Variants in G2E3 observed in about 807,000 individuals in gnomAD.
The protein encoded by G2E3 is G2/M phase-specific E3 ubiquitin-protein ligase.
G2E3 carries 35 observed loss-of-function variants against 92.8 expected under a neutral mutation model. The ratio of observed to expected loss-of-function variants is 0.38; its 90% CI spans 0.29 to 0.50. The LOEUF is 0.50. Ranked by LOEUF, G2E3 falls within the 20% of genes least tolerant of loss-of-function variation. The probability of loss-of-function intolerance (pLI) is 0.94; values close to 1 mark genes in which losing one functional copy is unlikely to be tolerated. For missense variants in G2E3, 554 were observed against 823.8 expected, an observed-to-expected ratio of 0.67 and a Z score of 4.01; for synonymous variants, 242 against 272.4, an observed-to-expected ratio of 0.89 and a Z score of 1.10.
At chr14:30,614,842 G>T (rs1882241994) in intron 13 of G2E3, among the ~76,000 whole-genome samples, 1 of 152,124 alleles carries the variant, frequency 6.6e-6, no homozygotes, top group African/African-American at 2.4e-5. Context: ...TGATCTTTCA[G>T]AAGAATTTGT....
intron 6 of G2E3, among the ~76,000 whole-genome samples, chr14:30,595,236 A>C (rs190514852): frequency 2.8e-4 from 43 of 152,368 alleles, no homozygotes; most frequent in Middle Eastern, 3.4e-3. Context: ...TAGAGAGTGC[A>C]GTTAATAAAC....
intron 1 of G2E3, among the ~76,000 whole-genome samples, chr14:30,578,349 T>A (rs948581988): frequency 2.6e-5 from 4 of 152,208 alleles, no homozygotes. Flanking sequence ...TTATCTAGAT[T>A]CACTAAATGT....
intron 1 of G2E3, among the ~76,000 whole-genome samples, chr14:30,563,006 G>C (rs1879204565): frequency 6.6e-6 from 1 of 152,076 alleles, no homozygotes; most frequent in East Asian, 1.9e-4. Context: ...GCCACTACCA[G>C]TCTCCGTGTC....
At chr14:30,586,957 G>A in intron 3 of G2E3, 142 bp downstream of exon 3, 1 of 401,284 alleles carries the variant, frequency 2.5e-6, no homozygotes, top group Non-Finnish European at 4.5e-6. Context: ...TAGACATTTT[G>A]TTTTTTGATA....
chr14:30,571,687 A>C (rs1453422814), intron 1 of G2E3, among the ~76,000 whole-genome samples: 3 of 152,066 alleles, frequency 2.0e-5, no homozygotes, highest in African/African-American at 4.8e-5. Context: ...ATTTGAATAC[A>C]GTGAATTACC....
At chr14:30,580,281 A>G (rs1345772618) in intron 1 of G2E3, among the ~76,000 whole-genome samples, 17 of 152,156 alleles carry the variant, frequency 1.1e-4, no homozygotes, top group Admixed American at 1.1e-3. Context: ...ATCTTGGCTC[A>G]CTGCAACCTC....
intron 10 of G2E3, among the ~76,000 whole-genome samples, chr14:30,603,615 G>A (rs1881685378): frequency 3.3e-5 from 5 of 152,200 alleles, no homozygotes; most frequent in Admixed American, 3.3e-4. Flanking sequence ...GCTAAGGTGG[G>A]AGGATCATTT....
chr14:30,580,037 G>T, intron 1 of G2E3, among the ~76,000 whole-genome samples: 1 of 152,124 alleles, frequency 6.6e-6, no homozygotes, highest in African/African-American at 2.4e-5. Flanking sequence ...TTAACTAGTG[G>T]AGAGTGAGGA....
At chr14:30,579,342 T>A (rs185167908) in intron 1 of G2E3, among the ~76,000 whole-genome samples, 310 of 152,322 alleles carry the variant, frequency 2.0e-3, no homozygotes, top group Non-Finnish European at 2.9e-3. Context: ...TGGCATAGAA[T>A]ATTATTTTGT....
Position 30,606,645 on chromosome 14 carries a change from A to C in G2E3, c.1318+833A>C, listed in dbSNP as rs575605717. Among the ~76,000 whole-genome samples, 374 of 152,248 alleles carry C rather than the reference A, an allele frequency of 2.5e-3. 3 individuals are homozygous for C. Among genetic ancestry groups the C allele is most frequent in the African/African-American group, 8.4e-3 (349 of 41,580 alleles). ...TCTGAATTCAAGTTTGTACACATCT[A>C]GTTCTTTACATCCTTAATTACTTAC... On this transcript the variant is annotated intron_variant, in intron 11 of 14. Coordinates refer to ENST00000206595, the MANE Select transcript of G2E3 (RefSeq NM_017769.5).
intron 1 of G2E3, chr14:30,573,745 A>G (rs1253859766): frequency 6.6e-6 from 1 of 152,118 alleles, no homozygotes; most frequent in East Asian, 1.9e-4. Flanking sequence ...TCAGTGGACT[A>G]GCTAATGTCT....
At chr14:30,575,834 G>C (rs900482712) in intron 1 of G2E3, among the ~76,000 whole-genome samples, 2 of 152,118 alleles carry the variant, frequency 1.3e-5, no homozygotes, top group Non-Finnish European at 2.9e-5. Context: ...TCTCTACAAT[G>C]AGAATTACAA....
rs1427573466 is a variant in G2E3 at position 30,618,604 on chromosome 14, G to T, written c.*2070G>T. ...CCTCATTTGACTTATTTTATATATA[G>T]ACAGGGCCTTAGTGATAAGATGGTG... On this transcript the variant is annotated 3_prime_UTR_variant, in exon 15 of 15. Coordinates refer to ENST00000206595, the MANE Select transcript of G2E3 (RefSeq NM_017769.5). The T allele has an allele frequency of 6.6e-6, 1 of 152,076 alleles. No homozygotes were observed. The highest frequency in any genetic ancestry group is 2.1e-4 in the South Asian group (1 of 4,826). The allele number at this position is 152,076 out of a possible 1,614,324, so 9.4% of individuals were successfully genotyped here.
chr14:30,605,809 C>G lies in G2E3; in HGVS notation c.1315C>G (p.Gln439Glu), dbSNP rs746301009. Residue 439 changes from glutamine to glutamate, a missense_variant, in exon 11 of 15, where the codon CAA (glutamine) becomes GAA (glutamate). Around this residue, in one of 3 missense-constraint regions of G2E3, gnomAD observed 397 missense variants for 560.3 expected, o/e 0.71. Coordinates refer to ENST00000206595, the MANE Select transcript of G2E3 (RefSeq NM_017769.5). Reference protein sequence around the residue: ...SLSKNLSLNSQALKENLYYEA... With the variant: ...SLSKNLSLNSEALKENLYYEA... ...GTCAAAGAACTTGTCTCTAAATTCT[C>G]AAGGTAATTATTTTATTTATTGTTG... 4.0e-6 allele frequency: 6 copies of G among 1,500,046 alleles called. No individual in the cohort carries two copies. The African/African-American group carries it at 4.2e-5, about 11-fold the overall frequency. 92.9% of individuals were successfully genotyped at this position (1,500,046 alleles called of 1,614,324 possible). A position where few individuals can be genotyped will look rare whatever the true frequency, so the allele number is the denominator to read the frequency against.
intron 1 of G2E3, among the ~76,000 whole-genome samples, chr14:30,570,807 C>T (rs887392668): frequency 6.6e-6 from 1 of 152,056 alleles, no homozygotes; most frequent in Non-Finnish European, 1.5e-5. Flanking sequence ...CTTGCTCCAC[C>T]ATTTTCGTGG....
chr14:30,581,038 T>C (rs1286419750), intron 1 of G2E3, 38 bp from the exon 2 acceptor site: 1 of 1,114,948 alleles, frequency 9.0e-7, no homozygotes, highest in Non-Finnish European at 1.4e-6. Flanking sequence ...TTGAGACTTT[T>C]ACAATTAAGA....
At chr14:30,603,712 G>A (rs916956845) in intron 10 of G2E3, among the ~76,000 whole-genome samples, 2 of 152,112 alleles carry the variant, frequency 1.3e-5, no homozygotes, top group Non-Finnish European at 2.9e-5. Flanking sequence ...AGGTATGGTG[G>A]TGTGCACCTG....
chr14:30,614,269 G>A (rs1002331643), intron 13 of G2E3, among the ~76,000 whole-genome samples: 4 of 152,086 alleles, frequency 2.6e-5, no homozygotes, highest in Non-Finnish European at 5.9e-5. Context: ...ATTTTATGCT[G>A]CTATAACAAT....
chr14:30,595,380 GTA>G (rs1402078927), intron 6 of G2E3, among the ~76,000 whole-genome samples: 1 of 152,102 alleles, frequency 6.6e-6, no homozygotes, highest in African/African-American at 2.4e-5. Context: ...TTTTGTAGCA[GTA>G]TGTTATTTTT....
Sources: allele counts gnomAD v4.1 joint callset (sites outside exome capture counted in the v4.1 genomes callset), GRCh38; gene constraint gnomAD v4.1.1; regional missense constraint gnomAD v4.1.1; transcripts MANE v1.5; gene names NCBI Gene and HGNC (gene_info 2026-07-23, HGNC 2026-07-21).